Variants in RABGAP1L observed in about 807,000 individuals in gnomAD.
RABGAP1L encodes rab GTPase-activating protein 1-like.
A neutral mutation model predicts 137.7 loss-of-function variants in RABGAP1L; 63 were observed. That is an observed-to-expected ratio of 0.46 (90% CI 0.37 to 0.56). RABGAP1L has a LOEUF of 0.56. RABGAP1L is among the 20% of genes least tolerant of loss of function. The probability of loss-of-function intolerance (pLI) is 0.00; values close to 1 mark genes in which losing one functional copy is unlikely to be tolerated. For synonymous variants in RABGAP1L, 431 were observed against 433.7 expected (o/e 0.99, Z 0.08); for missense variants, 1,095 against 1,244.0 (o/e 0.88, Z 1.80).
At chr1:174,536,976 A>G (rs1262109526) in intron 13 of RABGAP1L, among the ~76,000 whole-genome samples, 2 of 152,194 alleles carry the variant, frequency 1.3e-5, no homozygotes, top group Non-Finnish European at 2.9e-5. Flanking sequence ...TTGAATTTGT[A>G]GAGCATAAGT....
intron 11 of RABGAP1L, among the ~76,000 whole-genome samples, chr1:174,349,204 C>T (rs1417073050): frequency 1.2e-4 from 16 of 129,780 alleles, no homozygotes; most frequent in African/African-American, 4.4e-4. Flanking sequence ...ACCTCCCGGA[C>T]GGGGCGGCTG....
intron 9 of RABGAP1L, among the ~76,000 whole-genome samples, chr1:174,278,000 TTC>T (rs1232970025): frequency 6.6e-6 from 1 of 152,180 alleles, no homozygotes; most frequent in Admixed American, 6.5e-5. Flanking sequence ...TATTTGGACT[TTC>T]CTTTAACAGA....
intron 13 of RABGAP1L, among the ~76,000 whole-genome samples, chr1:174,466,277 C>G (rs1190518736): frequency 6.6e-6 from 1 of 152,066 alleles, no homozygotes; most frequent in Non-Finnish European, 1.5e-5. Flanking sequence ...GCTTATGTTC[C>G]TTGTTGTCTT....
intron 18 of RABGAP1L, among the ~76,000 whole-genome samples, chr1:174,808,510 T>A (rs1689557778): frequency 6.6e-6 from 1 of 152,132 alleles, no homozygotes; most frequent in Non-Finnish European, 1.5e-5. Context: ...CACTAAGATA[T>A]CTATTTTTGA....
At chr1:174,623,605 G>T (rs1436240922) in intron 13 of RABGAP1L, among the ~76,000 whole-genome samples, 2 of 152,194 alleles carry the variant, frequency 1.3e-5, no homozygotes, top group East Asian at 3.9e-4. Flanking sequence ...TGGCATCAGT[G>T]TTTGATAATA....
intron 11 of RABGAP1L, among the ~76,000 whole-genome samples, chr1:174,365,815 G>C (rs554667071): frequency 6.6e-6 from 1 of 152,308 alleles, no homozygotes; most frequent in African/African-American, 2.4e-5. Context: ...TTGCTCACCT[G>C]ATGTTTGGTT....
chr1:174,578,218 T>C (rs1668510375), intron 13 of RABGAP1L, among the ~76,000 whole-genome samples: 1 of 152,198 alleles, frequency 6.6e-6, no homozygotes, highest in Admixed American at 6.5e-5. Context: ...ACAGTCTCAC[T>C]CTGACACCCA....
chr1:174,609,341 CT>C (rs1671012436), intron 13 of RABGAP1L, among the ~76,000 whole-genome samples: 1 of 152,232 alleles, frequency 6.6e-6, no homozygotes, highest in South Asian at 2.1e-4. Flanking sequence ...GTTGCATTTT[CT>C]TTCTTTTTAT....
chr1:174,372,275 C>G (rs1685170126), intron 12 of RABGAP1L, among the ~76,000 whole-genome samples: 1 of 151,622 alleles, frequency 6.6e-6, no homozygotes, highest in South Asian at 2.1e-4. Context: ...AGTCAGTGGT[C>G]CAAAGTAGGG....
intron 13 of RABGAP1L, among the ~76,000 whole-genome samples, chr1:174,522,998 G>A (rs1558306412): frequency 6.6e-6 from 1 of 152,328 alleles, no homozygotes; most frequent in Non-Finnish European, 1.5e-5. Flanking sequence ...ATATTAGCTG[G>A]TGAATAGTAG....
chr1:174,589,626 G>C (rs1370958051), intron 13 of RABGAP1L, among the ~76,000 whole-genome samples: 1 of 152,024 alleles, frequency 6.6e-6, no homozygotes, highest in Non-Finnish European at 1.5e-5. Context: ...ACTTTTACTT[G>C]ATTTTTATAT....
chr1:174,802,540 G>C (rs950102835), intron 18 of RABGAP1L, among the ~76,000 whole-genome samples: 2 of 152,222 alleles, frequency 1.3e-5, no homozygotes, highest in Admixed American at 1.3e-4. Flanking sequence ...CCGGGAGGCA[G>C]AGATTGCGGT....
chr1:174,947,508 C>T (rs924090509), intron 19 of RABGAP1L, among the ~76,000 whole-genome samples: 1 of 152,112 alleles, frequency 6.6e-6, no homozygotes, highest in Non-Finnish European at 1.5e-5. Context: ...GCCTCAGCCT[C>T]CTGGGTTCAA....
chr1:174,809,619 C>G (rs1419289562), intron 18 of RABGAP1L, among the ~76,000 whole-genome samples: 3 of 152,160 alleles, frequency 2.0e-5, no homozygotes, highest in Admixed American at 2.0e-4. Flanking sequence ...AGGTTAATTG[C>G]ATTGAAAATA....
At chr1:174,662,682 C>T (rs916784029) in intron 14 of RABGAP1L, among the ~76,000 whole-genome samples, 1 of 152,204 alleles carries the variant, frequency 6.6e-6, no homozygotes, top group East Asian at 1.9e-4. Context: ...GCATTAGCCA[C>T]TGTGCCCGGC....
Position 174,634,870 on chromosome 1 carries a change from C to G in RABGAP1L, c.1711-2505C>G, listed in dbSNP as rs572048893. ...GACACAGGAAGGGGAATATCACACT[C>G]TGGGGACTGTGGTGGGGTGGGGGGA... is the stretch of plus-strand genomic sequence containing the variant. On this transcript the variant is annotated intron_variant, in intron 13 of 25. Coordinates refer to ENST00000681986, the MANE Select transcript of RABGAP1L (RefSeq NM_001366446.1). Among the ~76,000 whole-genome samples the G allele has an allele frequency of 9.6e-3, 1,189 of 123,400 alleles. 21 individuals are homozygous for G. The highest frequency in any genetic ancestry group is 0.035 in the African/African-American group (1,139 of 32,350). 81.0% of individuals were successfully genotyped at this position (123,400 alleles called of 152,430 possible).
At chr1:174,937,572 C>G (rs1395723052) in intron 19 of RABGAP1L, among the ~76,000 whole-genome samples, 1 of 142,602 alleles carries the variant, frequency 7.0e-6, no homozygotes, top group Non-Finnish European at 1.5e-5. Flanking sequence ...AGGCATGAGC[C>G]ACCGCATCCA....
intron 15 of RABGAP1L, among the ~76,000 whole-genome samples, chr1:174,687,469 G>A (rs1386988315): frequency 1.3e-5 from 2 of 152,206 alleles, no homozygotes; most frequent in South Asian, 2.1e-4. Flanking sequence ...TTTTTAATTG[G>A]CAGTATGTTT....
rs184906303 is a variant in RABGAP1L at position 174,169,030 on chromosome 1, G to A, written c.-34+9373G>A. On this transcript the variant is annotated intron_variant, in intron 1 of 25. Coordinates refer to ENST00000681986, the MANE Select transcript of RABGAP1L (RefSeq NM_001366446.1). ...TGTCACATATAAGTGAGAACATGCG[G>A]CATTTGACTTTCTGTTTCTGAGTTA... 2.8e-3 allele frequency among the ~76,000 whole-genome samples: 431 copies of A among 152,210 alleles called. 5 individuals carry two copies. Among genetic ancestry groups the A allele is most frequent in the African/African-American group, 9.9e-3 (412 of 41,518 alleles).
Sources: allele counts gnomAD v4.1 joint callset (sites outside exome capture counted in the v4.1 genomes callset), GRCh38; gene constraint gnomAD v4.1.1; transcripts MANE v1.5; gene names NCBI Gene and HGNC (gene_info 2026-07-23, HGNC 2026-07-21).